The following PCDHGC5 variants were observed in gnomAD, a reference collection of about 807,000 sequenced individuals.
PCDHGC5 encodes the protein protocadherin gamma-C5.
PCDHGC5 carries 25 observed loss-of-function variants against 59.0 expected under a neutral mutation model. The ratio of observed to expected loss-of-function variants is 0.42; its 90% CI spans 0.31 to 0.59. The LOEUF is 0.59. PCDHGC5 is among the 20% of genes least tolerant of loss of function. The probability of loss-of-function intolerance (pLI) is 0.13; values close to 1 mark genes in which losing one functional copy is unlikely to be tolerated. For missense variants in PCDHGC5, 1,067 were observed against 1,206.4 expected (o/e 0.88, Z 1.71); for synonymous variants, 434 against 505.5 (o/e 0.86, Z 1.90).
Position 141,490,652 on chromosome 5 carries a change from C to T in PCDHGC5, c.1412C>T (p.Ser471Phe), listed in dbSNP as rs1277273880. The T allele has an allele frequency of 1.2e-6, 2 of 1,614,208 alleles. No individual in the cohort carries two copies. The highest frequency in any genetic ancestry group is 1.7e-6 in the Non-Finnish European group (2 of 1,180,026). Residue 471 changes from serine (S) to phenylalanine (F), a missense_variant, in exon 1 of 4, where the codon TCC becomes TTC. Physicochemically the swap from Ser to Phe is radical, Grantham distance 155. Coordinates refer to ENST00000252087, the MANE Select transcript of PCDHGC5 (RefSeq NM_018929.3). The surrounding 1 kb of genome is among the most constrained non-coding windows in gnomAD (Gnocchi z 5.4). ...AYILENRPPG[S>F]LLCTVAASDP... is the part of the protein sequence containing the mutation. ...ATCCTAGAAAACCGGCCTCCGGGCT[C>T]CCTTCTTTGCACTGTGGCTGCCTCA...
intron 1 of PCDHGC5, among the ~76,000 whole-genome samples, chr5:141,492,490 G>C (rs2099741140): frequency 6.6e-6 from 1 of 152,208 alleles, no homozygotes; most frequent in Non-Finnish European, 1.5e-5. Context: ...CCAGGACCAG[G>C]CGAGGACTCC....
Position 141,511,201 on chromosome 5 carries a change from G to A in PCDHGC5, c.*28G>A, listed in dbSNP as rs2099883661. On this transcript the variant is annotated 3_prime_UTR_variant, in exon 4 of 4. Transcript: ENST00000252087. ...TGGAGGCCAGGCCAAGAGCCACAGG[G>A]CGGCCTCTCCCCAACCAGCCCAGCT... 2 of 1,612,600 alleles carry A rather than the reference G, an allele frequency of 1.2e-6. No homozygotes were observed. The highest frequency in any genetic ancestry group is 1.7e-6 in the Non-Finnish European group (2 of 1,179,344).
intron 2 of PCDHGC5, among the ~76,000 whole-genome samples, chr5:141,499,112 A>G (rs550424495): frequency 6.6e-6 from 1 of 152,238 alleles, no homozygotes; most frequent in African/African-American, 2.4e-5. Context: ...CCCCACCACT[A>G]TCCCTTCTCA....
At chr5:141,495,153 T>G (rs2154591630) in intron 2 of PCDHGC5, among the ~76,000 whole-genome samples, 1 of 152,290 alleles carries the variant, frequency 6.6e-6, no homozygotes, top group East Asian at 1.9e-4. Flanking sequence ...AGGATGGTCT[T>G]AAGCTGGTCT....
At chr5:141,497,820 G>A (rs1595489288) in intron 2 of PCDHGC5, among the ~76,000 whole-genome samples, 1 of 152,226 alleles carries the variant, frequency 6.6e-6, no homozygotes, top group Admixed American at 6.5e-5. Flanking sequence ...AATTACAGGT[G>A]TGATCGCCCC....
chr5:141,492,042 A>T, intron 1 of PCDHGC5: 1 of 519,520 alleles, frequency 1.9e-6, no homozygotes, highest in Non-Finnish European at 3.4e-6. Context: ...GCAGTCACAG[A>T]TCCACCCCTG....
chr5:141,502,518 T>C (rs1388007900), intron 2 of PCDHGC5, among the ~76,000 whole-genome samples: 1 of 152,184 alleles, frequency 6.6e-6, no homozygotes, highest in Non-Finnish European at 1.5e-5. Flanking sequence ...CCACTATCAG[T>C]GATGCCGAGT....
At chr5:141,505,308 G>A in intron 2 of PCDHGC5, 85 bp from the exon 3 acceptor site, 1 of 1,598,660 alleles carries the variant, frequency 6.3e-7, no homozygotes, top group Non-Finnish European at 8.5e-7. Flanking sequence ...TAGGGTACTA[G>A]GTTTGGGAGC....
intron 2 of PCDHGC5, among the ~76,000 whole-genome samples, chr5:141,496,492 C>A (rs2099769172): frequency 6.6e-6 from 1 of 152,186 alleles, no homozygotes; most frequent in Non-Finnish European, 1.5e-5. Context: ...CCAACCAAAC[C>A]CTTGTTGCCA....
At chr5:141,501,987 G>A (rs1462571527) in intron 2 of PCDHGC5, among the ~76,000 whole-genome samples, 2 of 152,016 alleles carry the variant, frequency 1.3e-5, no homozygotes, top group Non-Finnish European at 2.9e-5. Flanking sequence ...TGGTCCCGTT[G>A]TCTCCCTGAC....
At chr5:141,498,967 GGGAGGGAAGGAA>G (rs1374222518) in intron 2 of PCDHGC5, among the ~76,000 whole-genome samples, 13 of 129,674 alleles carry the variant, frequency 1.0e-4, no homozygotes, top group South Asian at 5.5e-4. Context: ...GAGGGAGGGA[GGGAGGGAAGGAA>G]GGAAGGAAGG....
At chr5:141,505,121 C>A (rs1194549194) in intron 2 of PCDHGC5, among the ~76,000 whole-genome samples, 1 of 152,168 alleles carries the variant, frequency 6.6e-6, no homozygotes, top group Non-Finnish European at 1.5e-5. Context: ...AAGATCGCGC[C>A]ACTGCACTCC....
Position 141,490,157 on chromosome 5 carries a change from G to T in PCDHGC5, c.917G>T (p.Gly306Val). 1 of 1,614,210 alleles carries T rather than the reference G, an allele frequency of 6.2e-7. No homozygotes were observed. The highest frequency in any genetic ancestry group is 8.5e-7 in the Non-Finnish European group (1 of 1,180,038). The change falls in exon 1 of 4, where the codon GGT becomes GTT. Residue 306 changes from glycine to valine, a missense_variant. Physicochemically the swap from Gly to Val is moderately radical, Grantham distance 109 (BLOSUM62 -3). Transcript: ENST00000252087. This position sits in a 1 kb window ranked among gnomAD's most constrained non-coding sequence, Gnocchi z 5.4. ...AGCAGTGGGGCAATCCATGTGTTGGGTCCCATAGACTTTGAGGAGTCACGT... is the reference window on the plus strand; with the variant it reads ...AGCAGTGGGGCAATCCATGTGTTGGTTCCCATAGACTTTGAGGAGTCACGT... The part of the protein sequence containing the change: ...DPSSGAIHVL[G>V]PIDFEESRFY...
intron 3 of PCDHGC5, among the ~76,000 whole-genome samples, chr5:141,508,975 G>T (rs1360718244): frequency 2.6e-5 from 4 of 152,148 alleles, no homozygotes; most frequent in African/African-American, 7.2e-5. Context: ...AAGGGCTGGG[G>T]GTGGGGGCCA....
chr5:141,510,834 G>T, intron 3 of PCDHGC5, 113 bp from the exon 4 acceptor site: 1 of 1,581,880 alleles, frequency 6.3e-7, no homozygotes. Flanking sequence ...AGTGCTCAGC[G>T]TGGTCAAGGC....
At chr5:141,508,576 C>A (rs1437398161) in intron 3 of PCDHGC5, among the ~76,000 whole-genome samples, 1 of 152,136 alleles carries the variant, frequency 6.6e-6, no homozygotes, top group African/African-American at 2.4e-5. Flanking sequence ...TGCACCCACT[C>A]GGGGTGCTAC....
In PCDHGC5 at chr5:141,489,117, T is replaced by A; in HGVS notation, c.-124T>A. On this transcript the variant is annotated 5_prime_UTR_variant, in exon 1 of 4. Coordinates refer to ENST00000252087, the MANE Select transcript of PCDHGC5 (RefSeq NM_018929.3). The surrounding 1 kb of genome is among the most constrained non-coding windows in gnomAD (Gnocchi z 4.5). ...AAGAACTGCTGCAAGCAGGCAAACCTCCGAGCAGTTTTTAAGAGGCTGGAA... is the reference window on the plus strand; with the variant it reads ...AAGAACTGCTGCAAGCAGGCAAACCACCGAGCAGTTTTTAAGAGGCTGGAA... The A allele has an allele frequency of 1.4e-5, 5 of 370,102 alleles. No homozygotes were observed. The highest frequency in any genetic ancestry group is 2.3e-5 in the Non-Finnish European group (5 of 214,436). 22.9% of individuals were successfully genotyped at this position (370,102 alleles called of 1,614,324 possible).
intron 3 of PCDHGC5, among the ~76,000 whole-genome samples, chr5:141,509,700 TGGA>T (rs1407159498): frequency 6.6e-6 from 1 of 152,192 alleles, no homozygotes; most frequent in East Asian, 1.9e-4. Flanking sequence ...GACGTTGGAC[TGGA>T]GGTGCTGTCT....
intron 2 of PCDHGC5, among the ~76,000 whole-genome samples, chr5:141,504,008 C>G (rs2099835164): frequency 6.6e-6 from 1 of 152,208 alleles, no homozygotes; most frequent in South Asian, 2.1e-4. Flanking sequence ...ACTTAACTGT[C>G]TCTGCTGGTC....
Sources: allele counts gnomAD v4.1 joint callset (sites outside exome capture counted in the v4.1 genomes callset), GRCh38; gene constraint gnomAD v4.1.1; non-coding constraint Gnocchi (gnomAD v3.1); transcripts MANE v1.5; gene names NCBI Gene and HGNC (gene_info 2026-07-23, HGNC 2026-07-21).